LMO7: variants seen among roughly 807,000 people sequenced by gnomAD.
The protein encoded by LMO7 is LIM domain only protein 7.
A neutral mutation model predicts 206.5 loss-of-function variants in LMO7; 120 were observed. That is an observed-to-expected ratio of 0.58 (90% confidence interval 0.50 to 0.68). The LOEUF (loss-of-function observed/expected upper bound fraction) is 0.68. LMO7 is among the 30% of genes least tolerant of loss of function. The pLI is 0.00. For synonymous variants in LMO7, 706 were observed against 681.5 expected (o/e 1.04, Z -0.56); for missense variants, 1,959 against 1,957.9 (o/e 1.00, Z -0.01).
chr13:75,749,013 C>T (rs1451006882), intron 3 of LMO7, among the ~76,000 whole-genome samples: 1 of 151,934 alleles, frequency 6.6e-6, no homozygotes, highest in Admixed American at 6.6e-5. Context: ...CACTGTGTTG[C>T]CCAGGCTGGT....
chr13:75,675,244 T>G (rs919943608), intron 1 of LMO7, among the ~76,000 whole-genome samples: 1 of 152,060 alleles, frequency 6.6e-6, no homozygotes, highest in Non-Finnish European at 1.5e-5. Context: ...TGTCTAATTT[T>G]TGTATTTTTA....
At chr13:75,731,037 C>CG (rs2045143269) in intron 3 of LMO7, among the ~76,000 whole-genome samples, 1 of 151,548 alleles carries the variant, frequency 6.6e-6, no homozygotes, top group Non-Finnish European at 1.5e-5. Flanking sequence ...CTGAGGAGAG[C>CG]TTTACTTCCA....
At chr13:75,755,253 T>C (rs2047589176) in intron 3 of LMO7, among the ~76,000 whole-genome samples, 1 of 152,092 alleles carries the variant, frequency 6.6e-6, no homozygotes, top group South Asian at 2.1e-4. Flanking sequence ...TTTTTGCCCA[T>C]GAAATGTCCA....
At chr13:75,763,907 TC>T (rs1195713949) in intron 4 of LMO7, among the ~76,000 whole-genome samples, 2 of 151,828 alleles carry the variant, frequency 1.3e-5, no homozygotes, top group African/African-American at 4.9e-5. Flanking sequence ...CAACTGTTTT[TC>T]AGTTTTCTAG....
At chr13:75,671,776 C>T (rs2039604189) in intron 1 of LMO7, among the ~76,000 whole-genome samples, 1 of 152,122 alleles carries the variant, frequency 6.6e-6, no homozygotes, top group Admixed American at 6.5e-5. Context: ...TTCTCAGGTG[C>T]TTTGCCAAGG....
At chr13:75,690,148 C>T (rs1490971262) in intron 1 of LMO7, among the ~76,000 whole-genome samples, 1 of 151,590 alleles carries the variant, frequency 6.6e-6, no homozygotes, top group Non-Finnish European at 1.5e-5. Context: ...TTGTCCAGAC[C>T]AGTCTCCACC....
At chr13:75,761,161 C>T (rs2048174900) in intron 4 of LMO7, 123 bp downstream of exon 4, 1 of 649,744 alleles carries the variant, frequency 1.5e-6, no homozygotes, top group Non-Finnish European at 2.5e-6. Flanking sequence ...CTCTGTTTTC[C>T]TCTGTTCTCA....
At chr13:75,702,006 TG>T (rs1041884030) in intron 1 of LMO7, among the ~76,000 whole-genome samples, 50 of 152,332 alleles carry the variant, frequency 3.3e-4, no homozygotes, top group African/African-American at 1.2e-3. Context: ...TTAATAATTG[TG>T]GTTTAGTAAA....
chr13:75,720,572 C>CTG (rs1183175253), intron 2 of LMO7, among the ~76,000 whole-genome samples: 1 of 152,282 alleles, frequency 6.6e-6, no homozygotes, highest in East Asian at 1.9e-4. Context: ...AAATTTTCTA[C>CTG]TACTCAGTGA....
intron 3 of LMO7, among the ~76,000 whole-genome samples, chr13:75,730,210 T>G (rs1054302643): frequency 1.5e-4 from 23 of 152,256 alleles, no homozygotes; most frequent in African/African-American, 4.8e-4. Context: ...ATGGTACCAG[T>G]TCCTCCTTGT....
At chr13:75,794,437 G>C (rs1187215893) in intron 4 of LMO7, among the ~76,000 whole-genome samples, 11 of 152,092 alleles carry the variant, frequency 7.2e-5, no homozygotes, top group Non-Finnish European at 1.3e-4. Context: ...TTAAAAATTA[G>C]TCTCTGTGTA....
rs760528614 is a variant in LMO7 at position 75,849,210 on chromosome 13, C to T, written c.4282C>T (p.Leu1428Phe). 2 of 1,614,112 alleles carry T rather than the reference C, an allele frequency of 1.2e-6. No homozygotes were observed. Among genetic ancestry groups the T allele is most frequent in the African/African-American group, 1.3e-5 (1 of 75,054 alleles). The change falls in exon 27 of 31, where the codon CTT becomes TTT. Residue 1428 changes from leucine (L) to phenylalanine (F), a missense_variant. By Grantham distance (22) the Leu-to-Phe change is conservative. Transcript: ENST00000377534. ...TCAGGAAATGAGGAAGAGAACACCCCTTCACAATGACAACAGCTGGATCCG... is the reference window on the plus strand; with the variant it reads ...TCAGGAAATGAGGAAGAGAACACCCTTTCACAATGACAACAGCTGGATCCG... ...ILQEMRKRTP[L>F]HNDNSWIRQR...
intron 2 of LMO7, among the ~76,000 whole-genome samples, chr13:75,716,196 T>G (rs1396289783): frequency 6.6e-6 from 1 of 152,204 alleles, no homozygotes; most frequent in Non-Finnish European, 1.5e-5. Flanking sequence ...TAGTACTCTT[T>G]CCTTTTGAAC....
intron 2 of LMO7, among the ~76,000 whole-genome samples, chr13:75,725,498 G>C (rs986212945): frequency 6.6e-6 from 1 of 152,110 alleles, no homozygotes; most frequent in African/African-American, 2.4e-5. Context: ...TGCATTGCAA[G>C]AATGCCACCA....
At chr13:75,650,790 C>T (rs914265821) in intron 1 of LMO7, among the ~76,000 whole-genome samples, 10 of 152,158 alleles carry the variant, frequency 6.6e-5, no homozygotes, top group African/African-American at 1.7e-4. Flanking sequence ...TCTTTATGTA[C>T]TTTTCTTTCT....
chr13:75,822,684 G>T (rs1219905388), intron 14 of LMO7, among the ~76,000 whole-genome samples: 1 of 148,974 alleles, frequency 6.7e-6, no homozygotes, highest in Non-Finnish European at 1.5e-5. Flanking sequence ...AAAATATCTA[G>T]TGTTGGCAAG....
At chr13:75,659,168 C>T (rs1303004046) in intron 1 of LMO7, among the ~76,000 whole-genome samples, 1 of 152,160 alleles carries the variant, frequency 6.6e-6, no homozygotes, top group Non-Finnish European at 1.5e-5. Flanking sequence ...CTACTCTATG[C>T]TATAACTTTG....
chr13:75,733,717 G>A (rs1007351812), intron 3 of LMO7, among the ~76,000 whole-genome samples: 3 of 152,162 alleles, frequency 2.0e-5, no homozygotes, highest in Non-Finnish European at 2.9e-5. Context: ...CGTCTTCTGC[G>A]TCGCTCATGC....
At chr13:75,702,181 A>G (rs1042387610) in intron 1 of LMO7, among the ~76,000 whole-genome samples, 18 of 152,212 alleles carry the variant, frequency 1.2e-4, no homozygotes, top group Middle Eastern at 3.4e-3. Context: ...GAGTGTTTAT[A>G]AAGACAGTTA....
Sources: allele counts gnomAD v4.1 joint callset (sites outside exome capture counted in the v4.1 genomes callset), GRCh38; gene constraint gnomAD v4.1.1; transcripts MANE v1.5; gene names NCBI Gene and HGNC (gene_info 2026-07-23, HGNC 2026-07-21).